KLHL14: variants seen among roughly 807,000 people sequenced by gnomAD.
KLHL14 encodes kelch-like protein 14.
A neutral mutation model predicts 64.3 loss-of-function variants in KLHL14; 22 were observed. The observed-to-expected ratio is 0.34, with a 90% CI of 0.24 to 0.49. The LOEUF (loss-of-function observed/expected upper bound fraction) is 0.49, where lower values mean the gene tolerates loss of function less well. KLHL14 is among the 20% of genes least tolerant of loss of function. KLHL14 has a pLI of 0.99. For missense variants in KLHL14, 661 were observed against 789.0 expected, an observed-to-expected ratio of 0.84 and a Z score of 1.94; for synonymous variants, 322 against 333.4, an observed-to-expected ratio of 0.97 and a Z score of 0.37.
At position 32,695,323 on chromosome 18, in the gene KLHL14, G is replaced by A. The variant is rs1438164900; in HGVS notation, c.1159+140C>T. The stretch of plus-strand genomic sequence containing the variant: ...TGATTGACCCTCTCTCCAATTGTCA[G>A]CCCCATCTCCTTACTACTTCATTTG... On this transcript the variant is annotated intron_variant, in intron 4 of 8. Coordinates refer to ENST00000359358, the MANE Select transcript of KLHL14 (RefSeq NM_020805.3). The A allele has an allele frequency of 1.5e-5, 10 of 646,608 alleles. No individual in the cohort carries two copies. In the East Asian group the frequency reaches 2.7e-4, roughly 18 times the overall value. The allele number at this position is 646,608 out of a possible 1,614,324, so 40.1% of individuals were successfully genotyped here. A position where few individuals can be genotyped will look rare whatever the true frequency, so the allele number is the denominator to read the frequency against.
intron 2 of KLHL14, among the ~76,000 whole-genome samples, chr18:32,756,556 GGGCTCTT>G (rs1323792907): frequency 6.6e-6 from 1 of 152,120 alleles, no homozygotes; most frequent in Non-Finnish European, 1.5e-5. Flanking sequence ...AAGGCTTGAG[GGGCTCTT>G]TCCTGCACAA....
Position 32,680,559 on chromosome 18 carries a change from A to G in KLHL14, c.1279T>C (p.Tyr427His). 2 of 1,613,442 alleles carry G rather than the reference A, an allele frequency of 1.2e-6. No individual in the cohort carries two copies. Among genetic ancestry groups the G allele is most frequent in the Non-Finnish European group, 1.7e-6 (2 of 1,179,762 alleles). ...FYACRLDKHLYVIGGRNETGY... is the reference protein window; with the variant it reads ...FYACRLDKHLHVIGGRNETGY... The stretch of plus-strand genomic sequence containing the variant: ...GTTTCATTCCTTCCACCAATTACGT[A>G]TAAATGCTTGTCCAACCGACATGCA... The change falls in exon 6 of 9, where the codon TAC becomes CAC. Residue 427 changes from tyrosine to histidine, a missense_variant. Transcript: ENST00000359358. The surrounding 1 kb of genome is among the most constrained non-coding windows in gnomAD (Gnocchi z 4.8).
chr18:32,696,407 G>A lies in KLHL14; in HGVS notation c.1070-855C>T, dbSNP rs192795304. Among the ~76,000 whole-genome samples, 454 of 152,300 alleles carry A rather than the reference G, an allele frequency of 3.0e-3. 4 individuals are homozygous for A. The highest frequency in any genetic ancestry group is 0.011 in the African/African-American group (440 of 41,562). On this transcript the variant is annotated intron_variant, in intron 3 of 8. Coordinates refer to ENST00000359358, the MANE Select transcript of KLHL14 (RefSeq NM_020805.3). ...TCTCCTTTTGTGCTGTGCAGTGTTA[G>A]TGTCTGCTACAATAATATCCTATGG...
At chr18:32,713,788 ATATT>A (rs1280112535) in intron 3 of KLHL14, among the ~76,000 whole-genome samples, 3 of 152,142 alleles carry the variant, frequency 2.0e-5, no homozygotes, top group Non-Finnish European at 4.4e-5. Flanking sequence ...GGCTAAACTA[ATATT>A]TATTCAATGA....
chr18:32,750,146 T>A (rs1176290063), intron 2 of KLHL14, among the ~76,000 whole-genome samples: 1 of 151,820 alleles, frequency 6.6e-6, no homozygotes, highest in Non-Finnish European at 1.5e-5. Context: ...CTCCCAAAGG[T>A]CCCATATCCA....
At chr18:32,742,196 C>T in intron 2 of KLHL14, 147 bp from the exon 3 acceptor site, 4 of 920,160 alleles carry the variant, frequency 4.3e-6, no homozygotes, top group South Asian at 3.2e-5. Flanking sequence ...CATGTCTCAA[C>T]AATTTTTTTG....
chr18:32,735,164 G>A (rs150657111), intron 3 of KLHL14, among the ~76,000 whole-genome samples: 59 of 152,210 alleles, frequency 3.9e-4, no homozygotes, highest in African/African-American at 7.0e-4. Flanking sequence ...TTAGATTTTC[G>A]TGGGTGAAAT....
chr18:32,768,427 A>ACG (rs890784125), intron 2 of KLHL14, among the ~76,000 whole-genome samples: 1 of 149,130 alleles, frequency 6.7e-6, no homozygotes, highest in Non-Finnish European at 1.5e-5. Context: ...ACACACACAC[A>ACG]CACACCATTT....
intron 1 of KLHL14, among the ~76,000 whole-genome samples, chr18:32,771,797 G>T (rs1205755933): frequency 6.7e-6 from 1 of 149,954 alleles, no homozygotes; most frequent in African/African-American, 2.4e-5. Flanking sequence ...GCTGTCGAAC[G>T]AGCGGGGGGG....
At chr18:32,752,336 A>G (rs888395009) in intron 2 of KLHL14, among the ~76,000 whole-genome samples, 15 of 152,270 alleles carry the variant, frequency 9.9e-5, no homozygotes, top group African/African-American at 3.4e-4. Flanking sequence ...GGGAAAAAGG[A>G]AAAAGCGTAT....
chr18:32,741,482 T>C (rs1286188826), intron 3 of KLHL14, among the ~76,000 whole-genome samples: 1 of 152,186 alleles, frequency 6.6e-6, no homozygotes, highest in Non-Finnish European at 1.5e-5. Flanking sequence ...TTCCACAGAC[T>C]AAATATTAAT....
Position 32,674,676 on chromosome 18 carries a change from C to G in KLHL14, c.1868G>C (p.Cys623Ser), listed in dbSNP as rs2049801892. Residue 623 changes from cysteine (C) to serine (S), a missense_variant, in exon 9 of 9, where the codon TGT (cysteine) becomes TCT (serine). Around this residue, in one of 2 missense-constraint regions of KLHL14, gnomAD observed 330 missense variants for 450.0 expected, o/e 0.73. Transcript: ENST00000359358. ...PACVTVILPS[C>S]VPYNK ...CTGGTGTTATTTGTTGTATGGTACA[C>G]AAGAGGGCAGAATAACTGTCACACA... 1 of 780,726 alleles carries G rather than the reference C, an allele frequency of 1.3e-6. No individual in the cohort carries two copies. Among genetic ancestry groups the G allele is most frequent in the African/African-American group, 1.7e-5 (1 of 59,114 alleles). 48.4% of individuals were successfully genotyped at this position (780,726 alleles called of 1,614,324 possible). A position where few individuals can be genotyped will look rare whatever the true frequency, so the allele number is the denominator to read the frequency against.
In KLHL14 at chr18:32,737,142, A is replaced by G. The variant is rs547560221; in HGVS notation, c.1069+4786T>C. 2.9e-4 allele frequency among the ~76,000 whole-genome samples: 44 copies of G among 152,242 alleles called. 1 individual carries two copies. The South Asian group carries it at 6.8e-3, about 24-fold the overall frequency. On this transcript the variant is annotated intron_variant, in intron 3 of 8. Coordinates refer to ENST00000359358, the MANE Select transcript of KLHL14 (RefSeq NM_020805.3). Reference sequence around the variant, plus strand: ...GTTCTCCTGCAATGAGAAACACACTATCTATGAACCCTACCTACCTGTCTA... The same window carrying G: ...GTTCTCCTGCAATGAGAAACACACTGTCTATGAACCCTACCTACCTGTCTA...
chr18:32,767,931 T>A (rs968242261), intron 2 of KLHL14, among the ~76,000 whole-genome samples: 4 of 152,244 alleles, frequency 2.6e-5, no homozygotes, highest in Non-Finnish European at 5.9e-5. Flanking sequence ...AACTGTGTTG[T>A]CTGAATTATT....
At chr18:32,701,374 G>A (rs1438049558) in intron 3 of KLHL14, among the ~76,000 whole-genome samples, 1 of 152,204 alleles carries the variant, frequency 6.6e-6, no homozygotes, top group Non-Finnish European at 1.5e-5. Flanking sequence ...GGGATGATGT[G>A]CTAGAGAGTG....
At chr18:32,702,388 A>G (rs1349186515) in intron 3 of KLHL14, among the ~76,000 whole-genome samples, 2 of 150,806 alleles carry the variant, frequency 1.3e-5, no homozygotes, top group East Asian at 3.9e-4. Flanking sequence ...AGTAAATGCA[A>G]TTGAGAAACA....
intron 3 of KLHL14, among the ~76,000 whole-genome samples, chr18:32,724,598 T>G (rs2050097535): frequency 6.6e-6 from 1 of 152,196 alleles, no homozygotes; most frequent in Non-Finnish European, 1.5e-5. Flanking sequence ...AGTAATGCTA[T>G]TGACCTCACA....
chr18:32,736,382 A>T (rs2144524999), intron 3 of KLHL14, among the ~76,000 whole-genome samples: 1 of 152,246 alleles, frequency 6.6e-6, no homozygotes, highest in Admixed American at 6.5e-5. Flanking sequence ...AACATATTTA[A>T]AAAGTCCAAA....
At chr18:32,719,970 T>C (rs2050068576) in intron 3 of KLHL14, among the ~76,000 whole-genome samples, 1 of 152,190 alleles carries the variant, frequency 6.6e-6, no homozygotes, top group Non-Finnish European at 1.5e-5. Context: ...CTGTAAAAAT[T>C]GTGGAGACCT....
Sources: gnomAD v4.1 joint callset for allele counts (sites outside exome capture counted in the v4.1 genomes callset) on GRCh38, gnomAD v4.1.1 for gene constraint, gnomAD v4.1.1 regional missense constraint, Gnocchi (gnomAD v3.1) non-coding constraint, MANE v1.5 for transcripts, NCBI Gene and HGNC (gene_info 2026-07-23, HGNC 2026-07-21) for gene names.